Variants in AQR observed in about 807,000 individuals in gnomAD.
AQR encodes the protein RNA helicase aquarius.
A neutral mutation model predicts 180.5 loss-of-function variants in AQR; 61 were observed. The observed-to-expected ratio is 0.34, with a 90% CI of 0.28 to 0.42. The LOEUF (loss-of-function observed/expected upper bound fraction) is 0.42. AQR is among the 10% of genes least tolerant of loss of function. The pLI, the probability that AQR is intolerant of heterozygous loss-of-function variation, is 1.00. For synonymous variants in AQR, 551 were observed against 588.8 expected (o/e 0.94, Z 0.93); for missense variants, 1,281 against 1,798.3 (o/e 0.71, Z 5.20).
In AQR at chr15:34,937,744, C is replaced by T. The variant is rs374826293; in HGVS notation, c.718+993G>A. Among the ~76,000 whole-genome samples the T allele has an allele frequency of 2.1e-4, 32 of 151,890 alleles. No homozygotes were observed. In the East Asian group the frequency reaches 6.0e-3, roughly 29 times the overall value. On this transcript the variant is annotated intron_variant, in intron 9 of 34. Transcript: ENST00000156471. ...ACTAAAAATACAAAAATTAGCCGGG[C>T]GTGGTGGCACACGCCTGTAACTCCA...
chr15:34,944,500 C>A, intron 5 of AQR, 72 bp from the exon 6 acceptor site: 1 of 1,442,644 alleles, frequency 6.9e-7, no homozygotes, highest in Non-Finnish European at 9.2e-7. Flanking sequence ...CCCTAGTAGG[C>A]TTTTTAGCAG....
chr15:34,906,857 C>T, intron 17 of AQR, 145 bp from the exon 18 acceptor site: 1 of 688,908 alleles, frequency 1.5e-6, no homozygotes, highest in Non-Finnish European at 2.3e-6. Context: ...CATTGTAACA[C>T]AATTATGGGC....
intron 20 of AQR, among the ~76,000 whole-genome samples, chr15:34,898,532 T>C (rs1893281531): frequency 1.3e-5 from 2 of 152,174 alleles, no homozygotes; most frequent in South Asian, 2.1e-4. Context: ...GGAGGAAAGA[T>C]TTTGCTATCA....
intron 32 of AQR, among the ~76,000 whole-genome samples, chr15:34,864,410 T>C (rs16959962): frequency 0.028 from 4,293 of 152,232 alleles, 200 homozygotes; most frequent in African/African-American, 0.093. Context: ...ATTTGTGACA[T>C]ACTGGATTCA....
chr15:34,920,755 G>A (rs962331509), intron 13 of AQR, among the ~76,000 whole-genome samples: 3 of 152,036 alleles, frequency 2.0e-5, no homozygotes, highest in African/African-American at 4.8e-5. Flanking sequence ...TCAGGAGATC[G>A]AGACTATGCT....
chr15:34,910,466 C>T (rs1893483977), intron 16 of AQR, among the ~76,000 whole-genome samples, 153 bp from the exon 17 acceptor site: 1 of 151,942 alleles, frequency 6.6e-6, no homozygotes, highest in South Asian at 2.1e-4. Flanking sequence ...AAAAGAAAAC[C>T]TTTAACTCTC....
At chr15:34,947,129 G>A (rs1218763164) in intron 5 of AQR, among the ~76,000 whole-genome samples, 1 of 151,338 alleles carries the variant, frequency 6.6e-6, no homozygotes, top group African/African-American at 2.5e-5. Flanking sequence ...TGTAGAAAGA[G>A]GTAGACATGG....
Position 34,909,923 on chromosome 15 carries a change from G to A in AQR, c.1663+212C>T, listed in dbSNP as rs558441595. On this transcript the variant is annotated intron_variant, in intron 17 of 34. Coordinates refer to ENST00000156471, the MANE Select transcript of AQR (RefSeq NM_014691.3). ...ATGCAATTTTATACTTTTTATTAAA[G>A]TATTAAGATACCTAAATATTCTTGT... Among the ~76,000 whole-genome samples, 11 of 152,158 alleles carry A rather than the reference G, an allele frequency of 7.2e-5. No individual in the cohort carries two copies. In the South Asian group the frequency reaches 2.3e-3, roughly 32 times the overall value.
At chr15:34,908,774 A>C (rs185166621) in intron 17 of AQR, among the ~76,000 whole-genome samples, 175 of 152,294 alleles carry the variant, frequency 1.1e-3, no homozygotes, top group Admixed American at 1.8e-3. Flanking sequence ...CAAAATGCAG[A>C]CCTCTCATCT....
At chr15:34,897,112 C>A (rs1238730989) in intron 21 of AQR, 146 bp from the exon 22 acceptor site, 26 of 651,648 alleles carry the variant, frequency 4.0e-5, no homozygotes, top group Non-Finnish European at 6.6e-5. Flanking sequence ...CCCTTCACCT[C>A]TACCCCTCAA....
At chr15:34,961,612 CAAAA>C (rs1178777471) in intron 2 of AQR, among the ~76,000 whole-genome samples, 14 of 26,864 alleles carry the variant, frequency 5.2e-4, no homozygotes, top group Admixed American at 1.5e-3. Flanking sequence ...GACTCCATCT[CAAAA>C]AAAAAAAAAA....
In AQR at chr15:34,927,071, G is replaced by A. The variant is rs765609219; in HGVS notation, c.1082C>T (p.Thr361Ile). The change falls in exon 13 of 35, where the codon ACT becomes ATT. Residue 361 changes from threonine to isoleucine, a missense_variant. By Grantham distance (89) the Thr-to-Ile change is moderately conservative. Around this residue, in one of 9 missense-constraint regions of AQR, gnomAD observed 404 missense variants for 490.9 expected, o/e 0.82. Transcript: ENST00000156471. The stretch of plus-strand genomic sequence containing the variant: ...AAAAAACTTGACCAAGGACTCCCGA[G>A]TATCTACTTCTGCCACATTTGAGAG... Reference protein sequence around the residue: ...FALSNVAEVDTRESLVKFFGP... With the variant: ...FALSNVAEVDIRESLVKFFGP... 4.4e-6 allele frequency: 7 copies of A among 1,597,440 alleles called. No homozygotes were observed. Among genetic ancestry groups the A allele is most frequent in the Non-Finnish European group, 5.1e-6 (6 of 1,171,522 alleles).
intron 34 of AQR, among the ~76,000 whole-genome samples, chr15:34,857,755 A>G (rs1001733690): frequency 5.9e-5 from 9 of 152,032 alleles, no homozygotes; most frequent in African/African-American, 2.2e-4. Context: ...TGTCTCAAGA[A>G]AAAGAAAAAG....
intron 5 of AQR, among the ~76,000 whole-genome samples, chr15:34,946,676 C>T (rs1894126281): frequency 7.0e-6 from 1 of 143,876 alleles, no homozygotes; most frequent in African/African-American, 2.6e-5. Context: ...AGCCCCTCTG[C>T]CCGGCCAGCC....
At chr15:34,942,377 C>T (rs9806300) in intron 6 of AQR, among the ~76,000 whole-genome samples, 2,759 of 152,266 alleles carry the variant, frequency 0.018, 76 homozygotes, top group African/African-American at 0.058. Flanking sequence ...CTGAGTTGTC[C>T]GACGTGCACA....
rs749990672 is a variant in AQR, at chr15:34,932,387, G to C, written c.831C>G (p.Ser277=). 1 of 1,612,792 alleles carries C rather than the reference G, an allele frequency of 6.2e-7. No individual in the cohort carries two copies. Among genetic ancestry groups the C allele is most frequent in the Non-Finnish European group, 8.5e-7 (1 of 1,179,578 alleles). ...AAAGGTAACAGTGAACCAGAAGGTG[G>C]GAATCATCCAGGATGGTATTAAACC... ...RRWFNTILDD[S]HLLVHCYLSN... The change falls in exon 11 of 35, where the codon TCC becomes TCG. Residue 277 remains serine, a synonymous_variant. Coordinates refer to ENST00000156471, the MANE Select transcript of AQR (RefSeq NM_014691.3).
At chr15:34,886,797 T>C in intron 24 of AQR, 136 bp from the exon 25 acceptor site, 1 of 907,084 alleles carries the variant, frequency 1.1e-6, no homozygotes, top group East Asian at 2.7e-5. Flanking sequence ...ATTTAACTAT[T>C]GGTGGTAGTT....
rs145326606 is a variant in AQR at position 34,959,188 on chromosome 15, G to C, written c.173+1586C>G. 4.3e-3 allele frequency among the ~76,000 whole-genome samples: 655 copies of C among 152,042 alleles called. 6 individuals carry two copies. Among genetic ancestry groups the C allele is most frequent in the African/African-American group, 0.015 (620 of 41,450 alleles). ...CTTTTTGTTGTTTGTTTTGAGACAGGGTCTCACTCTGTTGCCCAGGCTAGA... is the reference window on the plus strand; with the variant it reads ...CTTTTTGTTGTTTGTTTTGAGACAGCGTCTCACTCTGTTGCCCAGGCTAGA... On this transcript the variant is annotated intron_variant, in intron 3 of 34. Coordinates refer to ENST00000156471, the MANE Select transcript of AQR (RefSeq NM_014691.3).
At chr15:34,963,903 C>T (rs934959035) in intron 2 of AQR, among the ~76,000 whole-genome samples, 3 of 152,050 alleles carry the variant, frequency 2.0e-5, no homozygotes, top group Admixed American at 2.0e-4. Context: ...ACCTTGTGAT[C>T]CACTGGCCTT....
Sources: gnomAD v4.1 joint callset for allele counts (sites outside exome capture counted in the v4.1 genomes callset) on GRCh38, gnomAD v4.1.1 for gene constraint, gnomAD v4.1.1 regional missense constraint, MANE v1.5 for transcripts, NCBI Gene and HGNC (gene_info 2026-07-23, HGNC 2026-07-21) for gene names.